The following LRFN5 variants were observed in gnomAD, a reference collection of about 807,000 sequenced individuals.
LRFN5 encodes leucine rich repeat and fibronectin type III domain containing 5.
A neutral mutation model predicts 45.6 loss-of-function variants in LRFN5; 24 were observed. The observed-to-expected ratio is 0.53, with a 90% CI of 0.38 to 0.74. LRFN5 has a LOEUF of 0.74. Ranked by LOEUF, LRFN5 falls within the 30% of genes least tolerant of loss-of-function variation. The pLI is 0.00. For synonymous variants in LRFN5, 340 were observed against 313.8 expected (o/e 1.08, Z -0.88); for missense variants, 776 against 861.5 (o/e 0.90, Z 1.24).
chr14:41,710,943 T>C (rs1316301807), intron 1 of LRFN5, among the ~76,000 whole-genome samples: 3 of 152,152 alleles, frequency 2.0e-5, no homozygotes, highest in Non-Finnish European at 4.4e-5. Flanking sequence ...CATGAACTCA[T>C]CTTTTTTTAT....
intron 2 of LRFN5, among the ~76,000 whole-genome samples, chr14:41,803,739 A>C (rs1315468873): frequency 6.6e-6 from 1 of 152,180 alleles, no homozygotes; most frequent in Non-Finnish European, 1.5e-5. Context: ...CTCAAAATGT[A>C]ACTCCCTACT....
chr14:41,888,951 T>TTA (rs142558374), intron 3 of LRFN5, among the ~76,000 whole-genome samples: 58 of 150,284 alleles, frequency 3.9e-4, no homozygotes, highest in Middle Eastern at 3.5e-3. Flanking sequence ...GCTTTGCATT[T>TTA]TATATATATA....
At chr14:41,641,243 G>A (rs1879561982) in intron 1 of LRFN5, among the ~76,000 whole-genome samples, 1 of 151,990 alleles carries the variant, frequency 6.6e-6, no homozygotes, top group Non-Finnish European at 1.5e-5. Context: ...CATTGGATGG[G>A]TCATATAAAA....
intron 2 of LRFN5, among the ~76,000 whole-genome samples, chr14:41,855,581 T>G (rs1279009336): frequency 6.6e-6 from 1 of 152,174 alleles, no homozygotes; most frequent in African/African-American, 2.4e-5. Context: ...AAAATATAAC[T>G]AAATATTTTA....
chr14:41,873,415 G>T (rs79523591), intron 2 of LRFN5, among the ~76,000 whole-genome samples: 2 of 91,480 alleles, frequency 2.2e-5, no homozygotes, highest in South Asian at 4.8e-4. Flanking sequence ...AAGAGAGAGA[G>T]AGACAGAGAG....
chr14:41,770,052 G>T (rs1594692826), intron 2 of LRFN5, among the ~76,000 whole-genome samples: 1 of 152,088 alleles, frequency 6.6e-6, no homozygotes, highest in East Asian at 1.9e-4. Flanking sequence ...GGGGGAGCAG[G>T]CACATGACAT....
chr14:41,698,295 G>A (rs766209570), intron 1 of LRFN5, among the ~76,000 whole-genome samples: 23 of 152,018 alleles, frequency 1.5e-4, no homozygotes, highest in Non-Finnish European at 2.9e-4. Flanking sequence ...CCTAGAACAA[G>A]CAGCATTCAC....
At chr14:41,614,348 T>C (rs1037187741) in intron 1 of LRFN5, among the ~76,000 whole-genome samples, 1 of 152,090 alleles carries the variant, frequency 6.6e-6, no homozygotes, top group South Asian at 2.1e-4. Flanking sequence ...AAAATAGGCC[T>C]AACTTTAAGT....
chr14:41,673,682 C>CG (rs1881381988), intron 1 of LRFN5, among the ~76,000 whole-genome samples: 1 of 143,398 alleles, frequency 7.0e-6, no homozygotes. Flanking sequence ...CTGACCCCCC[C>CG]ACCTCCCTCC....
intron 1 of LRFN5, among the ~76,000 whole-genome samples, chr14:41,637,810 C>T (rs762667437): frequency 6.6e-6 from 1 of 152,096 alleles, no homozygotes; most frequent in Admixed American, 6.6e-5. Flanking sequence ...TTCATAATTT[C>T]GAGGGAGTCC....
chr14:41,856,679 T>TATTTTTTTTTTTTTTTTA (rs1566486513), intron 2 of LRFN5, among the ~76,000 whole-genome samples: 3 of 60,100 alleles, frequency 5.0e-5, no homozygotes, highest in Non-Finnish European at 1.1e-4. Flanking sequence ...ATTATTATTT[T>TATTTTTTTTTTTTTTTTA]TTTTTTTTTT....
At chr14:41,782,215 A>T (rs1043162273) in intron 2 of LRFN5, among the ~76,000 whole-genome samples, 1 of 150,790 alleles carries the variant, frequency 6.6e-6, no homozygotes, top group African/African-American at 2.4e-5. Context: ...GTTTCTTTTT[A>T]TTATTTTTTT....
At chr14:41,868,346 C>T (rs1225646106) in intron 2 of LRFN5, among the ~76,000 whole-genome samples, 1 of 151,998 alleles carries the variant, frequency 6.6e-6, no homozygotes, top group South Asian at 2.1e-4. Flanking sequence ...CAAAAAGTTA[C>T]CGTATTGAGT....
intron 2 of LRFN5, among the ~76,000 whole-genome samples, chr14:41,788,018 C>T (rs1886790430): frequency 6.6e-6 from 1 of 152,088 alleles, no homozygotes; most frequent in Non-Finnish European, 1.5e-5. Flanking sequence ...GAGAAGGCAG[C>T]TGTCTGAAAA....
intron 1 of LRFN5, among the ~76,000 whole-genome samples, chr14:41,690,049 A>G (rs532341604): frequency 6.6e-6 from 1 of 152,272 alleles, no homozygotes; most frequent in Admixed American, 6.5e-5. Context: ...CCCTCATACC[A>G]AAACCAAACA....
At chr14:41,763,144 C>T (rs1333011881) in intron 1 of LRFN5, among the ~76,000 whole-genome samples, 5 of 152,074 alleles carry the variant, frequency 3.3e-5, no homozygotes, top group African/African-American at 9.7e-5. Context: ...GTTGCAATGC[C>T]TATAATGTAT....
At chr14:41,844,000 AG>A (rs1330919580) in intron 2 of LRFN5, among the ~76,000 whole-genome samples, 2 of 152,250 alleles carry the variant, frequency 1.3e-5, no homozygotes, top group African/African-American at 4.8e-5. Context: ...AATAGCTAAA[AG>A]AACAATGGAG....
At chr14:41,875,180 C>A (rs1890147082) in intron 2 of LRFN5, among the ~76,000 whole-genome samples, 1 of 152,184 alleles carries the variant, frequency 6.6e-6, no homozygotes, top group African/African-American at 2.4e-5. Flanking sequence ...GAATTATCTC[C>A]CTCTTTTCTA....
At chr14:41,852,044 A>T (rs1458602225) in intron 2 of LRFN5, among the ~76,000 whole-genome samples, 1 of 151,854 alleles carries the variant, frequency 6.6e-6, no homozygotes, top group South Asian at 2.1e-4. Context: ...CTTAGTTCAC[A>T]TGGCATTTTC....
Sources: gnomAD v4.1 joint callset for allele counts (sites outside exome capture counted in the v4.1 genomes callset) on GRCh38, gnomAD v4.1.1 for gene constraint, MANE v1.5 for transcripts, NCBI Gene and HGNC (gene_info 2026-07-23, HGNC 2026-07-21) for gene names.